The following AK5 variants were observed in gnomAD, a reference collection of about 807,000 sequenced individuals.
AK5 encodes the protein adenylate kinase isoenzyme 5.
A neutral mutation model predicts 69.5 loss-of-function variants in AK5; 27 were observed. The ratio of observed to expected loss-of-function variants is 0.39; its 90% CI spans 0.29 to 0.54. The LOEUF is 0.54. Among genes scored for constraint, AK5 ranks in the 20% least tolerant of loss-of-function variants. AK5 has a pLI of 0.71. For synonymous variants in AK5, 260 were observed against 244.4 expected (o/e 1.06, Z -0.60); for missense variants, 531 against 700.4 (o/e 0.76, Z 2.73).
chr1:77,480,751 T>C (rs536839407), intron 8 of AK5, among the ~76,000 whole-genome samples: 1 of 152,360 alleles, frequency 6.6e-6, no homozygotes, highest in South Asian at 2.1e-4. Flanking sequence ...CAGCTGCACC[T>C]TAGGCAAACT....
intron 6 of AK5, among the ~76,000 whole-genome samples, chr1:77,392,139 T>C (rs1038080028): frequency 6.6e-6 from 1 of 152,238 alleles, no homozygotes; most frequent in Admixed American, 6.5e-5. Flanking sequence ...TGAAGATATA[T>C]AATTATACAA....
chr1:77,386,273 G>A (rs952207051), intron 6 of AK5, among the ~76,000 whole-genome samples: 1 of 152,118 alleles, frequency 6.6e-6, no homozygotes, highest in Non-Finnish European at 1.5e-5. Context: ...ATTCAGGATG[G>A]CAATATTATA....
At chr1:77,351,964 T>C (rs1186634138) in intron 6 of AK5, among the ~76,000 whole-genome samples, 2 of 149,950 alleles carry the variant, frequency 1.3e-5, no homozygotes, top group Non-Finnish European at 3.0e-5. Flanking sequence ...AGTTTCGCTC[T>C]TGTTGCCCAG....
chr1:77,476,907 T>TTAAA (rs945115135), intron 8 of AK5, among the ~76,000 whole-genome samples: 111 of 148,060 alleles, frequency 7.5e-4, no homozygotes, highest in East Asian at 4.5e-3. Context: ...GCTGTTTTTT[T>TTAAA]AAAAAAAAAA....
At chr1:77,339,282 C>A (rs1007346218) in intron 5 of AK5, among the ~76,000 whole-genome samples, 8 of 152,226 alleles carry the variant, frequency 5.3e-5, no homozygotes, top group Non-Finnish European at 1.0e-4. Context: ...AACCACTATG[C>A]AAACTGTCTT....
chr1:77,360,569 G>GA (rs957337704), intron 6 of AK5, among the ~76,000 whole-genome samples: 4 of 152,060 alleles, frequency 2.6e-5, no homozygotes, highest in African/African-American at 9.7e-5. Context: ...GCAAAGGAAA[G>GA]AAAAAAACTA....
At chr1:77,419,051 CAA>C (rs5775398) in intron 8 of AK5, among the ~76,000 whole-genome samples, 35 of 149,440 alleles carry the variant, frequency 2.3e-4, no homozygotes, top group Admixed American at 4.7e-4. Flanking sequence ...ATATCACAGA[CAA>C]AAAAAAAAAG....
chr1:77,545,758 A>T (rs1242442733), intron 13 of AK5, among the ~76,000 whole-genome samples: 4 of 152,158 alleles, frequency 2.6e-5, no homozygotes, highest in Non-Finnish European at 5.9e-5. Context: ...GGGGGTGCCT[A>T]TCAGTTTCAA....
At chr1:77,443,298 G>A (rs965025191) in intron 8 of AK5, among the ~76,000 whole-genome samples, 5 of 152,040 alleles carry the variant, frequency 3.3e-5, no homozygotes, top group African/African-American at 1.2e-4. Flanking sequence ...GTACTGACTC[G>A]TATTACTCCC....
chr1:77,410,222 C>A (rs186412089), intron 6 of AK5, among the ~76,000 whole-genome samples: 1 of 151,964 alleles, frequency 6.6e-6, no homozygotes, highest in African/African-American at 2.4e-5. Context: ...CCACAGACCA[C>A]ATCTATAATA....
intron 8 of AK5, among the ~76,000 whole-genome samples, chr1:77,431,002 G>T (rs138879771): frequency 1.0e-3 from 157 of 152,302 alleles, no homozygotes; most frequent in African/African-American, 3.7e-3. Context: ...TCCAGCCCTG[G>T]TGGAGAGACT....
Position 77,499,869 on chromosome 1 carries a change from C to CTTTTTTTTT in AK5, c.1147+13517_1147+13518insTTTTTTTTT, listed in dbSNP as rs749712310. On this transcript the variant is annotated intron_variant, in intron 10 of 13. Transcript: ENST00000354567. ...GATGACAGAGACCATGCCCTTTTTC[C>CTTTTTTTTT]ATTTTTTTTTTTTTTTTTTTTTTTT... Among the ~76,000 whole-genome samples, 64 of 78,774 alleles carry CTTTTTTTTT rather than the reference C, an allele frequency of 8.1e-4. 7 individuals are homozygous for CTTTTTTTTT. The highest frequency in any genetic ancestry group is 1.4e-3 in the Admixed American group (7 of 5,070). 51.7% of individuals were successfully genotyped at this position (78,774 alleles called of 152,430 possible). A position where few individuals can be genotyped will look rare whatever the true frequency, so the allele number is the denominator to read the frequency against.
Position 77,291,408 on chromosome 1 carries a change from G to A in AK5, c.248-2385G>A, listed in dbSNP as rs1260717146. Among the ~76,000 whole-genome samples the A allele has an allele frequency of 2.0e-5, 3 of 151,948 alleles. No individual in the cohort carries two copies. In the East Asian group the frequency reaches 5.8e-4, roughly 30 times the overall value. On this transcript the variant is annotated intron_variant, in intron 2 of 13. Coordinates refer to ENST00000354567, the MANE Select transcript of AK5 (RefSeq NM_174858.3). ...CTAGCTGCTACTTTTTCTGCTCTTA[G>A]TCTTTCCCTGCTCCAATTCATTCTA...
At chr1:77,410,220 C>T (rs979369045) in intron 6 of AK5, among the ~76,000 whole-genome samples, 50 of 151,296 alleles carry the variant, frequency 3.3e-4, no homozygotes, top group South Asian at 1.3e-3. Flanking sequence ...ATCCACAGAC[C>T]ACATCTATAA....
intron 6 of AK5, among the ~76,000 whole-genome samples, chr1:77,367,785 T>TAC (rs1647009652): frequency 1.1e-4 from 1 of 9,446 alleles, no homozygotes; most frequent in Non-Finnish European, 2.6e-4. Context: ...ATATAATATA[T>TAC]GTTATATATG....
intron 1 of AK5, 44 bp from the exon 2 acceptor site, chr1:77,286,897 G>A (rs1447434840): frequency 1.6e-6 from 2 of 1,218,576 alleles, no homozygotes; most frequent in African/African-American, 1.6e-5. Context: ...AACAAAGGTG[G>A]GTTTAAAAGA....
chr1:77,446,277 A>G (rs1363624191), intron 8 of AK5, among the ~76,000 whole-genome samples: 2 of 152,102 alleles, frequency 1.3e-5, no homozygotes, highest in Admixed American at 1.3e-4. Context: ...ATTCTGTTCC[A>G]CTGGTCTATA....
At position 77,559,677 on chromosome 1, in the gene AK5, T is replaced by C. The variant is rs1216555139; in HGVS notation, c.*1007T>C. On this transcript the variant is annotated 3_prime_UTR_variant, in exon 14 of 14. Transcript: ENST00000354567. ...CCTTTCCAGGAGTTTGCAAACCTTG[T>C]CATACCCATATGCAAAACTGTGTTT... The C allele has an allele frequency of 3.3e-5, 5 of 152,206 alleles. No individual in the cohort carries two copies. The allele number at this position is 152,206 out of a possible 1,614,324, so 9.4% of individuals were successfully genotyped here.
chr1:77,303,582 C>T (rs11162313), intron 5 of AK5, among the ~76,000 whole-genome samples: 2,681 of 152,298 alleles, frequency 0.018, 78 homozygotes, highest in African/African-American at 0.061. Context: ...CACTTCCTGT[C>T]GCCACTGCGA....
Sources: gnomAD v4.1 joint callset for allele counts (sites outside exome capture counted in the v4.1 genomes callset) on GRCh38, gnomAD v4.1.1 for gene constraint, MANE v1.5 for transcripts, NCBI Gene and HGNC (gene_info 2026-07-23, HGNC 2026-07-21) for gene names.